Variants in CDK12 observed in about 807,000 individuals in gnomAD.
CDK12 encodes cyclin dependent kinase 12.
A neutral mutation model predicts 133.8 loss-of-function variants in CDK12; 17 were observed. The ratio of observed to expected loss-of-function variants is 0.13; its 90% CI spans 0.09 to 0.19. CDK12 has a LOEUF of 0.19. CDK12 is among the 10% of genes least tolerant of loss of function. The probability of loss-of-function intolerance (pLI) is 1.00; values close to 1 mark genes in which losing one functional copy is unlikely to be tolerated. For synonymous variants in CDK12, 694 were observed against 683.6 expected (o/e 1.02, Z -0.24); for missense variants, 1,508 against 1,818.7 (o/e 0.83, Z 3.11).
chr17:39,499,500 C>T lies in CDK12; in HGVS notation c.2420-1750C>T, dbSNP rs1447770157. Reference sequence around the variant, plus strand: ...CTGGGATTACAGGCATGAACTACCGCGCCCAGCCTCTTTTTTTTTTTTTCT... The same window carrying T: ...CTGGGATTACAGGCATGAACTACCGTGCCCAGCCTCTTTTTTTTTTTTTCT... On this transcript the variant is annotated intron_variant, in intron 5 of 13. Transcript: ENST00000447079. Among the ~76,000 whole-genome samples, 12 of 140,522 alleles carry T rather than the reference C, an allele frequency of 8.5e-5. No individual in the cohort carries two copies. In the East Asian group the frequency reaches 1.1e-3, roughly 13 times the overall value. The allele number at this position is 140,522 out of a possible 152,430, so 92.2% of individuals were successfully genotyped here.
rs984508153 is a variant in CDK12, at chr17:39,487,680, G to A, written c.1932-2877G>A. Among the ~76,000 whole-genome samples the A allele has an allele frequency of 1.6e-4, 22 of 140,314 alleles. No homozygotes were observed. In the South Asian group the frequency reaches 2.0e-3, roughly 13 times the overall value. The allele number at this position is 140,314 out of a possible 152,430, so 92.1% of individuals were successfully genotyped here. On this transcript the variant is annotated intron_variant, in intron 2 of 13. Coordinates refer to ENST00000447079, the MANE Select transcript of CDK12 (RefSeq NM_016507.4). ...CACCCAGGCTGGAGTGCAGTGGCAC[G>A]ATCTCGGCTTACTGCAACCTTGACC...
chr17:39,552,765 C>T (rs962270748), intron 2 of CDK12, among the ~76,000 whole-genome samples: 1 of 152,114 alleles, frequency 6.6e-6, no homozygotes, highest in Non-Finnish European at 1.5e-5. Flanking sequence ...CTCACTCTAT[C>T]GCCCAGGCTG....
At chr17:39,560,887 C>A (rs2056348030) in intron 3 of CDK12, among the ~76,000 whole-genome samples, 1 of 152,172 alleles carries the variant, frequency 6.6e-6, no homozygotes, top group Non-Finnish European at 1.5e-5. Context: ...TGGTGGCAAG[C>A]ACCTGTAATC....
In CDK12 at chr17:39,531,542, C is replaced by A; in HGVS notation, c.*226C>A. On this transcript the variant is annotated 3_prime_UTR_variant, in exon 14 of 14. Coordinates refer to ENST00000447079, the MANE Select transcript of CDK12 (RefSeq NM_016507.4). ...TGGGCTATAGCCAGAACATTTACTT[C>A]AACTCTACCTTAGTAGATACAAGTA... 2.5e-6 allele frequency: 1 copy of A among 406,220 alleles called. No individual in the cohort carries two copies. Among genetic ancestry groups the A allele is most frequent in the Non-Finnish European group, 4.3e-6 (1 of 230,240 alleles). 25.2% of individuals were successfully genotyped at this position (406,220 alleles called of 1,614,324 possible).
chr17:39,505,361 CTAAAAATA>C (rs928619007), intron 6 of CDK12, among the ~76,000 whole-genome samples: 12 of 151,658 alleles, frequency 7.9e-5, no homozygotes, highest in African/African-American at 2.9e-4. Flanking sequence ...CCCGTCTCTA[CTAAAAATA>C]TAAAAATTAG....
Position 39,532,114 on chromosome 17 carries a change from C to CTATCTCTA in CDK12, c.*799_*800insATCTCTAT, listed in dbSNP as rs199838246. On this transcript the variant is annotated 3_prime_UTR_variant, in exon 14 of 14. Coordinates refer to ENST00000447079, the MANE Select transcript of CDK12 (RefSeq NM_016507.4). ...TCTCTCTCTCTCTTTCTCTCTCTCT[C>CTATCTCTA]TCTCTCTCTCTCTCTCTCTCTCTCT... is the stretch of plus-strand genomic sequence containing the variant. The CTATCTCTA allele has an allele frequency of 9.9e-6, 2 of 202,062 alleles. No individual in the cohort carries two copies. The highest frequency in any genetic ancestry group is 2.0e-5 in the Non-Finnish European group (2 of 98,562). 12.5% of individuals were successfully genotyped at this position (202,062 alleles called of 1,614,324 possible). A position where few individuals can be genotyped will look rare whatever the true frequency, so the allele number is the denominator to read the frequency against.
intron 1 of CDK12, among the ~76,000 whole-genome samples, chr17:39,467,131 A>C (rs1327247407): frequency 1.3e-5 from 2 of 152,070 alleles, no homozygotes; most frequent in Non-Finnish European, 2.9e-5. Flanking sequence ...GGCGCGCGTC[A>C]CCATGCCCAG....
Position 39,530,535 on chromosome 17 carries a change from G to A in CDK12, c.3761-69G>A, listed in dbSNP as rs901363321. 2.6e-6 allele frequency: 4 copies of A among 1,512,228 alleles called. No individual in the cohort carries two copies. The African/African-American group carries it at 4.2e-5, about 16-fold the overall frequency. 93.7% of individuals were successfully genotyped at this position (1,512,228 alleles called of 1,614,324 possible). A position where few individuals can be genotyped will look rare whatever the true frequency, so the allele number is the denominator to read the frequency against. The stretch of plus-strand genomic sequence containing the variant: ...TTGATATTTGTTTATGTTGCACAGT[G>A]TGTGTGTTTGTGTTTATAATCACAT... On this transcript the variant is annotated intron_variant, in intron 13 of 13. Coordinates refer to ENST00000447079, the MANE Select transcript of CDK12 (RefSeq NM_016507.4).
intron 9 of CDK12, 67 bp downstream of exon 9, chr17:39,515,875 A>G (rs2053769720): frequency 3.0e-6 from 3 of 1,006,488 alleles, no homozygotes; most frequent in Non-Finnish European, 4.6e-6. Flanking sequence ...AGTTTCTAAC[A>G]CTTTCTAGTC....
intron 8 of CDK12, among the ~76,000 whole-genome samples, chr17:39,515,016 G>T (rs11078910): frequency 0.63 from 95,938 of 152,046 alleles, 32,985 homozygotes; most frequent in South Asian, 0.89. Context: ...AATGATTTGA[G>T]ATTTATTCAT....
At chr17:39,514,062 T>C (rs973690191) in intron 8 of CDK12, among the ~76,000 whole-genome samples, 4 of 151,664 alleles carry the variant, frequency 2.6e-5, no homozygotes, top group African/African-American at 9.7e-5. Flanking sequence ...TAAATTTTAC[T>C]TTTTTTTTCT....
intron 2 of CDK12, among the ~76,000 whole-genome samples, chr17:39,474,568 G>C (rs1567692967): frequency 6.6e-6 from 1 of 152,060 alleles, no homozygotes; most frequent in Non-Finnish European, 1.5e-5. Flanking sequence ...GCTTGCTTTG[G>C]CCTTCCAAAG....
At position 39,505,586 on chromosome 17, in the gene CDK12, A is replaced by C. The variant is rs989622018; in HGVS notation, c.2610-4119A>C. 2.0e-5 allele frequency among the ~76,000 whole-genome samples: 3 copies of C among 151,976 alleles called. No homozygotes were observed. In the East Asian group the frequency reaches 5.8e-4, roughly 29 times the overall value. ...AAATAATTTAAAGGAGCATATTTCT[A>C]GAATAGATGGGATCAAGGCCACAGA... On this transcript the variant is annotated intron_variant, in intron 6 of 13. Transcript: ENST00000447079.
In CDK12 at chr17:39,530,421, C is replaced by T. The variant is rs114314084; in HGVS notation, c.3761-183C>T. 2,264 of 757,798 alleles carry T rather than the reference C, an allele frequency of 3.0e-3. 31 individuals are homozygous for T. In the African/African-American group the frequency reaches 0.036, roughly 12 times the overall value. 46.9% of individuals were successfully genotyped at this position (757,798 alleles called of 1,614,324 possible). ...TACACTAGCTGTTAGATCCAGGATG[C>T]AACTGTTTTACTTTTAATCACTTGA... is the stretch of plus-strand genomic sequence containing the variant. On this transcript the variant is annotated intron_variant, in intron 13 of 13. Transcript: ENST00000447079.
intron 1 of CDK12, among the ~76,000 whole-genome samples, chr17:39,468,680 G>A (rs1323739115): frequency 6.6e-6 from 1 of 151,736 alleles, no homozygotes; most frequent in Non-Finnish European, 1.5e-5. Flanking sequence ...TCTCCATATT[G>A]GTCAGGCTGG....
intron 5 of CDK12, among the ~76,000 whole-genome samples, chr17:39,496,448 T>G (rs961035743): frequency 1.3e-5 from 2 of 152,000 alleles, no homozygotes; most frequent in African/African-American, 4.8e-5. Flanking sequence ...CCCTGTAATC[T>G]CAGCACTTTG....
intron 2 of CDK12, among the ~76,000 whole-genome samples, chr17:39,481,636 CTCTCTCTCTCT>C (rs2050678701): frequency 3.9e-4 from 2 of 5,064 alleles, no homozygotes; most frequent in African/African-American, 1.2e-3. Context: ...CTCGCGCGCT[CTCTCTCTCTCT>C]CTCTCTCTCT....
chr17:39,467,298 C>G (rs1468017231), intron 1 of CDK12, among the ~76,000 whole-genome samples: 1 of 152,058 alleles, frequency 6.6e-6, no homozygotes, highest in Non-Finnish European at 1.5e-5. Flanking sequence ...TTTTAAAAGA[C>G]TGAAAATGCT....
chr17:39,540,255 T>G (rs904249621), intron 1 of CDK12, among the ~76,000 whole-genome samples: 1 of 152,160 alleles, frequency 6.6e-6, no homozygotes, highest in Non-Finnish European at 1.5e-5. Flanking sequence ...ATTTGTGCTG[T>G]TGGTGGTGAT....
Sources: allele counts gnomAD v4.1 joint callset (sites outside exome capture counted in the v4.1 genomes callset), GRCh38; gene constraint gnomAD v4.1.1; transcripts MANE v1.5; gene names NCBI Gene and HGNC (gene_info 2026-07-23, HGNC 2026-07-21).